SLC9C1: variants seen among roughly 807,000 people sequenced by gnomAD.
SLC9C1 encodes the protein solute carrier family 9 member C1.
A neutral mutation model predicts 140.9 loss-of-function variants in SLC9C1; 97 were observed. The ratio of observed to expected loss-of-function variants is 0.69; its 90% CI spans 0.58 to 0.82. The LOEUF (loss-of-function observed/expected upper bound fraction) is 0.82. Among genes scored for constraint, SLC9C1 ranks in the 40% least tolerant of loss-of-function variants. SLC9C1 has a pLI of 0.00. For missense variants in SLC9C1, 1,340 were observed against 1,389.3 expected, an observed-to-expected ratio of 0.96 and a Z score of 0.56; for synonymous variants, 440 against 442.6, an observed-to-expected ratio of 0.99 and a Z score of 0.07.
At chr3:112,169,473 T>C (rs2077205496) in intron 23 of SLC9C1, 145 bp from the exon 24 acceptor site, 1 of 776,914 alleles carries the variant, frequency 1.3e-6, no homozygotes, top group Non-Finnish European at 1.9e-6. Flanking sequence ...GTAAAATGTG[T>C]CTATCAATGA....
chr3:112,148,767 A>T (rs1436229387), intron 28 of SLC9C1, among the ~76,000 whole-genome samples: 1 of 152,102 alleles, frequency 6.6e-6, no homozygotes, highest in Non-Finnish European at 1.5e-5. Flanking sequence ...GGGGATGGGG[A>T]GTAGGAGCCA....
intron 27 of SLC9C1, among the ~76,000 whole-genome samples, chr3:112,152,593 G>T (rs894328547): frequency 1.3e-5 from 2 of 152,000 alleles, no homozygotes; most frequent in African/African-American, 2.4e-5. Flanking sequence ...GTGTCAGGCT[G>T]GGGGACAGTC....
At chr3:112,280,073 T>G (rs1316025117) in intron 3 of SLC9C1, among the ~76,000 whole-genome samples, 1 of 152,352 alleles carries the variant, frequency 6.6e-6, no homozygotes, top group African/African-American at 2.4e-5. Flanking sequence ...GTAAACTGCT[T>G]CTGGTTCTTA....
intron 13 of SLC9C1, among the ~76,000 whole-genome samples, chr3:112,223,701 A>G (rs4682374): frequency 0.45 from 69,037 of 151,880 alleles, 16,179 homozygotes; most frequent in East Asian, 0.63. Context: ...AGATATCAAA[A>G]TACAACAGCT....
chr3:112,182,775 A>T (rs13090344), intron 20 of SLC9C1, among the ~76,000 whole-genome samples: 45,015 of 152,048 alleles, frequency 0.3, 7,221 homozygotes, highest in East Asian at 0.43. Context: ...TCCTCTAATC[A>T]TTACTTCTAT....
At chr3:112,149,509 C>T (rs1314223804) in intron 28 of SLC9C1, among the ~76,000 whole-genome samples, 2 of 152,050 alleles carry the variant, frequency 1.3e-5, no homozygotes, top group Non-Finnish European at 2.9e-5. Context: ...GATGGGGTGG[C>T]TCAGGCTCTT....
At chr3:112,286,148 A>G (rs1049968639) in intron 2 of SLC9C1, among the ~76,000 whole-genome samples, 3 of 151,966 alleles carry the variant, frequency 2.0e-5, no homozygotes, top group Non-Finnish European at 4.4e-5. Context: ...GAAAAAAATT[A>G]CTTATTACAC....
rs551493672 is a variant in SLC9C1 at position 112,267,493 on chromosome 3, G to A, written c.776-1153C>T. Among the ~76,000 whole-genome samples the A allele has an allele frequency of 5.1e-3, 721 of 142,164 alleles. 8 individuals carry two copies. Among genetic ancestry groups the A allele is most frequent in the African/African-American group, 0.018 (683 of 38,414 alleles). The allele number at this position is 142,164 out of a possible 152,430, so 93.3% of individuals were successfully genotyped here. On this transcript the variant is annotated intron_variant, in intron 7 of 28. Transcript: ENST00000305815. ...TGGGAGGCTGAGGCAGGAGAATGGC[G>A]AGAACCCGAAAGGTGGAGTTTGCAG...
At chr3:112,261,110 A>T (rs997457013) in intron 10 of SLC9C1, among the ~76,000 whole-genome samples, 1 of 152,068 alleles carries the variant, frequency 6.6e-6, no homozygotes, top group Non-Finnish European at 1.5e-5. Flanking sequence ...TATGTGTTCC[A>T]TTTCTCTGAA....
chr3:112,271,409 A>ATATATATATATATC lies in SLC9C1; in HGVS notation c.614-1333_614-1332insGATATATATATATA, dbSNP rs1013241776. Among the ~76,000 whole-genome samples the ATATATATATATATC allele has an allele frequency of 6.7e-5, 10 of 149,302 alleles. No homozygotes were observed. The South Asian group carries it at 8.5e-4, about 13-fold the overall frequency. ...TTCTACATTGTATATATATATATAT[A>ATATATATATATATC]TCAAAGCCTCACATTGTACCCCATA... On this transcript the variant is annotated intron_variant, in intron 6 of 28. Coordinates refer to ENST00000305815, the MANE Select transcript of SLC9C1 (RefSeq NM_183061.3).
Position 112,264,222 on chromosome 3 carries a change from A to T in SLC9C1, c.1000T>A (p.Tyr334Asn). ...TACCTTAAAACAATCAATGTTAAGT[A>T]GATATTTAATGAATAGTATATATCA... ...FVDIYYSLNI[Y>N]LTLIVLRFLT... The change falls in exon 9 of 29, where the codon TAC becomes AAC. Residue 334 changes from tyrosine (Y) to asparagine (N), a missense_variant. Tyr to Asn is a moderately radical substitution (Grantham distance 143). Transcript: ENST00000305815. The T allele has an allele frequency of 8.1e-7, 1 of 1,238,166 alleles. No individual in the cohort carries two copies. The highest frequency in any genetic ancestry group is 1.1e-6 in the Non-Finnish European group (1 of 937,370). The allele number at this position is 1,238,166 out of a possible 1,614,324, so 76.7% of individuals were successfully genotyped here.
At chr3:112,260,312 A>G (rs1368947237) in intron 10 of SLC9C1, among the ~76,000 whole-genome samples, 7 of 151,934 alleles carry the variant, frequency 4.6e-5, no homozygotes, top group African/African-American at 7.3e-5. Flanking sequence ...TATGGTTTCA[A>G]TTCTTCACTG....
At chr3:112,166,262 GCTGCACCCACTGTC>G (rs1464522469) in intron 26 of SLC9C1, among the ~76,000 whole-genome samples, 3 of 152,162 alleles carry the variant, frequency 2.0e-5, no homozygotes, top group African/African-American at 4.8e-5. Context: ...CACTTGGTGC[GCTGCACCCACTGTC>G]CTGCACCCAC....
chr3:112,233,201 G>A (rs1484207025), intron 12 of SLC9C1, among the ~76,000 whole-genome samples: 2 of 151,510 alleles, frequency 1.3e-5, no homozygotes, highest in South Asian at 2.1e-4. Flanking sequence ...CCCGAGTAGC[G>A]GGGACTACAG....
At chr3:112,276,325 A>G (rs1309938912) in intron 5 of SLC9C1, among the ~76,000 whole-genome samples, 2 of 151,912 alleles carry the variant, frequency 1.3e-5, no homozygotes, top group Non-Finnish European at 2.9e-5. Context: ...GCCAATGTGG[A>G]TGTACTTATG....
chr3:112,223,448 CGT>C (rs2078595508), intron 13 of SLC9C1, among the ~76,000 whole-genome samples: 1 of 152,056 alleles, frequency 6.6e-6, no homozygotes. Context: ...GAAATGCAAA[CGT>C]GTCTACTCTA....
chr3:112,216,194 C>T (rs1343447498), intron 15 of SLC9C1, among the ~76,000 whole-genome samples: 1 of 152,112 alleles, frequency 6.6e-6, no homozygotes, highest in African/African-American at 2.4e-5. Flanking sequence ...ACACCTTATA[C>T]AAAAATCAAT....
chr3:112,252,121 G>A, intron 10 of SLC9C1, among the ~76,000 whole-genome samples: 1 of 152,090 alleles, frequency 6.6e-6, no homozygotes, highest in East Asian at 1.9e-4. Context: ...CTGGGATGGA[G>A]GTCCCTGTGG....
chr3:112,185,624 G>T lies in SLC9C1; in HGVS notation c.2524-3366C>A, dbSNP rs866703630. The T allele has an allele frequency of 5.7e-6, 9 of 1,582,922 alleles. No individual in the cohort carries two copies. The South Asian group carries it at 6.8e-5, about 12-fold the overall frequency. On this transcript the variant is annotated intron_variant, in intron 20 of 28. Transcript: ENST00000305815. ...CGAAGCCCTCTCTCCCAAGGGGCAGGCTCCTGACCCGGAAAGCTCCTTGGC... is the reference window on the plus strand; with the variant it reads ...CGAAGCCCTCTCTCCCAAGGGGCAGTCTCCTGACCCGGAAAGCTCCTTGGC...
Sources: allele counts gnomAD v4.1 joint callset (sites outside exome capture counted in the v4.1 genomes callset), GRCh38; gene constraint gnomAD v4.1.1; transcripts MANE v1.5; gene names NCBI Gene and HGNC (gene_info 2026-07-23, HGNC 2026-07-21).